The following RNF145 variants were observed in gnomAD, a reference collection of about 807,000 sequenced individuals.
The protein encoded by RNF145 is ring finger protein 145.
Under a neutral mutation model 57.3 loss-of-function variants are expected in RNF145, and 12 were observed. The ratio of observed to expected loss-of-function variants is 0.21; its 90% confidence interval spans 0.13 to 0.34. The LOEUF (loss-of-function observed/expected upper bound fraction) is 0.34, where lower values mean the gene tolerates loss of function less well. Among genes scored for constraint, RNF145 ranks in the 10% least tolerant of loss-of-function variants. The pLI, the probability that RNF145 is intolerant of heterozygous loss-of-function variation, is 1.00. For missense variants in RNF145, 429 were observed against 799.0 expected, an observed-to-expected ratio of 0.54 and a Z score of 5.58; for synonymous variants, 262 against 288.3, an observed-to-expected ratio of 0.91 and a Z score of 0.92.
intron 8 of RNF145, among the ~76,000 whole-genome samples, chr5:159,163,432 T>C (rs1379683333): frequency 6.6e-6 from 1 of 152,206 alleles, no homozygotes; most frequent in Admixed American, 6.5e-5. Flanking sequence ...ATTAGAATAA[T>C]TTGTGGTCTT....
rs981384442 is a variant in RNF145 at position 159,203,403 on chromosome 5, G to C, written c.184+31C>G. ...AAGACATAAATCAGAATGCTCACTA[G>C]AAGATTAGAAAATGTGATGTAGACA... On this transcript the variant is annotated intron_variant, in intron 2 of 10. Transcript: ENST00000424310. 3 of 1,442,826 alleles carry C rather than the reference G, an allele frequency of 2.1e-6. No individual in the cohort carries two copies. The African/African-American group carries it at 4.2e-5, about 20-fold the overall frequency. The allele number at this position is 1,442,826 out of a possible 1,614,324, so 89.4% of individuals were successfully genotyped here.
Position 159,161,247 on chromosome 5 carries a change from T to C in RNF145, c.1626+19A>G. The C allele has an allele frequency of 6.6e-7, 1 of 1,519,736 alleles. No individual in the cohort carries two copies. The highest frequency in any genetic ancestry group is 9.1e-7 in the Non-Finnish European group (1 of 1,102,860). 94.1% of individuals were successfully genotyped at this position (1,519,736 alleles called of 1,614,324 possible). On this transcript the variant is annotated intron_variant, in intron 10 of 10. Transcript: ENST00000424310. The stretch of plus-strand genomic sequence containing the variant: ...ACACTGTATGACTTACCCAAACACA[T>C]TCTTATTGAAGGAGTTACCTGATAA...
chr5:159,178,337 C>G (rs1029341028), intron 4 of RNF145, among the ~76,000 whole-genome samples: 1 of 151,876 alleles, frequency 6.6e-6, no homozygotes, highest in Non-Finnish European at 1.5e-5. Flanking sequence ...ATTTGAAATG[C>G]CACTGTAGTA....
At chr5:159,182,360 T>A (rs1432871) in intron 3 of RNF145, among the ~76,000 whole-genome samples, 10,127 of 152,074 alleles carry the variant, frequency 0.067, 364 homozygotes, top group Middle Eastern at 0.099. Context: ...AGCTGATCTC[T>A]CTCAACTCTA....
chr5:159,209,573 C>G (rs1786038847), upstream of RNF145: 1 of 1,012,372 alleles, frequency 9.9e-7, no homozygotes, highest in South Asian at 4.5e-5. Context: ...GGCCCGACTT[C>G]CGCACTCTGC....
At chr5:159,196,168 G>A (rs1470578837) in intron 2 of RNF145, among the ~76,000 whole-genome samples, 1 of 151,350 alleles carries the variant, frequency 6.6e-6, no homozygotes, top group Admixed American at 6.6e-5. Flanking sequence ...GCTACATGTG[G>A]CCCAGGATGG....
chr5:159,201,538 C>T (rs1202343217), intron 2 of RNF145, among the ~76,000 whole-genome samples: 1 of 151,980 alleles, frequency 6.6e-6, no homozygotes. Context: ...AATGAGGCCT[C>T]GATATCTACT....
intron 1 of RNF145, chr5:159,207,474 C>G (rs1785933564): frequency 6.6e-7 from 1 of 1,514,548 alleles, no homozygotes; most frequent in African/African-American, 1.4e-5. Context: ...TCATCATTCA[C>G]CATTATCTCC....
At chr5:159,193,249 A>G (rs1272893959) in intron 3 of RNF145, among the ~76,000 whole-genome samples, 1 of 152,246 alleles carries the variant, frequency 6.6e-6, no homozygotes, top group Admixed American at 6.5e-5. Flanking sequence ...GAGGATTGCA[A>G]GAAATGCAAC....
chr5:159,208,314 G>A (rs1165650284), intron 1 of RNF145, among the ~76,000 whole-genome samples: 1 of 152,204 alleles, frequency 6.6e-6, no homozygotes, highest in African/African-American at 2.4e-5. Flanking sequence ...ATCTCGCCAA[G>A]GGTGCTGACT....
At chr5:159,163,563 A>G (rs906088638) in intron 8 of RNF145, among the ~76,000 whole-genome samples, 1 of 152,162 alleles carries the variant, frequency 6.6e-6, no homozygotes, top group Non-Finnish European at 1.5e-5. Flanking sequence ...TCATCCTCAC[A>G]TCTGTTGTGG....
intron 1 of RNF145, among the ~76,000 whole-genome samples, chr5:159,204,996 T>C (rs1195136827): frequency 6.6e-6 from 1 of 152,074 alleles, no homozygotes; most frequent in Non-Finnish European, 1.5e-5. Flanking sequence ...CTGCAGAAAA[T>C]TATAGTGACA....
intron 8 of RNF145, among the ~76,000 whole-genome samples, chr5:159,168,602 C>A (rs1784455641): frequency 6.6e-6 from 1 of 151,994 alleles, no homozygotes; most frequent in South Asian, 2.1e-4. Flanking sequence ...AAAGTATTAA[C>A]TTCATCTGAA....
At chr5:159,159,059 C>A (rs765488152) in intron 10 of RNF145, 24 bp from the exon 11 acceptor site, 3 of 1,586,006 alleles carry the variant, frequency 1.9e-6, no homozygotes, top group Admixed American at 1.8e-5. Context: ...AAAAAAGATA[C>A]CTTATAAATG....
At chr5:159,169,083 C>G (rs372035123) in intron 7 of RNF145, 28 bp from the exon 8 acceptor site, 17 of 1,466,078 alleles carry the variant, frequency 1.2e-5, no homozygotes, top group Non-Finnish European at 1.5e-5. Flanking sequence ...TTTCAGAAAA[C>G]ATAAAATAAT....
rs139956167 is a variant in RNF145 at position 159,205,199 on chromosome 5, T to C, written c.-39-1543A>G. Among the ~76,000 whole-genome samples the C allele has an allele frequency of 4.1e-3, 622 of 152,278 alleles. 2 individuals carry two copies. The highest frequency in any genetic ancestry group is 0.014 in the African/African-American group (572 of 41,558). On this transcript the variant is annotated intron_variant, in intron 1 of 10. Transcript: ENST00000424310. ...TTATATATATAGCCTGCCAATAATA[T>C]AGATTTAACATTTTTATAGATAAGT...
At chr5:159,171,256 T>C (rs563401242) in intron 6 of RNF145, among the ~76,000 whole-genome samples, 2 of 152,324 alleles carry the variant, frequency 1.3e-5, no homozygotes, top group Non-Finnish European at 2.9e-5. Context: ...TTTAAACAAA[T>C]TGTGTACAAT....
chr5:159,183,968 T>C (rs1269256251), intron 3 of RNF145, among the ~76,000 whole-genome samples: 1 of 152,212 alleles, frequency 6.6e-6, no homozygotes, highest in Non-Finnish European at 1.5e-5. Flanking sequence ...TTTAAAATGA[T>C]TAATTTTATG....
chr5:159,176,990 G>A (rs1019956124), intron 4 of RNF145, 123 bp from the exon 5 acceptor site: 22 of 591,324 alleles, frequency 3.7e-5, no homozygotes, highest in Middle Eastern at 3.0e-4. Flanking sequence ...CTAAAATCTC[G>A]TAGATAATAT....
Sources: allele counts gnomAD v4.1 joint callset (sites outside exome capture counted in the v4.1 genomes callset), GRCh38; gene constraint gnomAD v4.1.1; transcripts MANE v1.5; gene names NCBI Gene and HGNC (gene_info 2026-07-23, HGNC 2026-07-21).